Variants in ERBB4 observed in about 807,000 individuals in gnomAD.
The protein encoded by ERBB4 is erb-b2 receptor tyrosine kinase 4, also known as receptor tyrosine-protein kinase erbB-4.
In ERBB4, 42 loss-of-function variants were observed where a neutral mutation model predicts 158.0. The observed-to-expected ratio is 0.27, with a 90% CI of 0.21 to 0.34. The LOEUF (loss-of-function observed/expected upper bound fraction) is 0.34, where lower values mean the gene tolerates loss of function less well. Among genes scored for constraint, ERBB4 ranks in the 10% least tolerant of loss-of-function variants. The pLI is 1.00. For synonymous variants in ERBB4, 583 were observed against 558.7 expected (o/e 1.04, Z -0.61); for missense variants, 1,333 against 1,624.1 (o/e 0.82, Z 3.08).
rs2125302376 is a variant in ERBB4, at chr2:211,381,300, T to C, written c.*2315A>G. The C allele has an allele frequency of 4.3e-6, 1 of 232,358 alleles. No homozygotes were observed. Among genetic ancestry groups the C allele is most frequent in the Admixed American group, 5.6e-5 (1 of 17,748 alleles). The allele number at this position is 232,358 out of a possible 1,614,324, so 14.4% of individuals were successfully genotyped here. ...GCCAAGGACCACCATCTGCTTTTGG[T>C]TTAATGGTGAAGTTAGACTCTAGAT... On this transcript the variant is annotated 3_prime_UTR_variant, in exon 28 of 28. Transcript: ENST00000342788.
chr2:211,638,553 T>C (rs1337289795), intron 16 of ERBB4, among the ~76,000 whole-genome samples: 4 of 152,184 alleles, frequency 2.6e-5, no homozygotes, highest in African/African-American at 4.8e-5. Context: ...TCAAGATTCC[T>C]CTATTACATT....
chr2:212,446,578 CATATATATATATGTATATAT>C lies in ERBB4; in HGVS notation c.82+91851_82+91870del, dbSNP rs1434137030. Among the ~76,000 whole-genome samples the C allele has an allele frequency of 5.5e-3, 316 of 57,218 alleles. 28 individuals carry two copies. Among genetic ancestry groups the C allele is most frequent in the African/African-American group, 0.017 (286 of 16,356 alleles). The allele number at this position is 57,218 out of a possible 152,430, so 37.5% of individuals were successfully genotyped here. A position where few individuals can be genotyped will look rare whatever the true frequency, so the allele number is the denominator to read the frequency against. On this transcript the variant is annotated intron_variant, in intron 1 of 27. Coordinates refer to ENST00000342788, the MANE Select transcript of ERBB4 (RefSeq NM_005235.3). ...TGTAAGTTAATACTTAATAAACTCC[CATATATATATATGTATATAT>C]ATATATATATATATATATATATATA...
intron 20 of ERBB4, among the ~76,000 whole-genome samples, chr2:211,454,237 G>C (rs1412463685): frequency 1.3e-5 from 2 of 152,076 alleles, no homozygotes; most frequent in East Asian, 3.9e-4. Flanking sequence ...TAAATATGTG[G>C]AATATCTTCC....
At chr2:211,964,305 T>G (rs2125183277) in intron 2 of ERBB4, among the ~76,000 whole-genome samples, 1 of 152,304 alleles carries the variant, frequency 6.6e-6, no homozygotes, top group Admixed American at 6.5e-5. Flanking sequence ...CACTGGTATT[T>G]TATATGCATA....
At chr2:212,505,163 C>T (rs188399446) in intron 1 of ERBB4, among the ~76,000 whole-genome samples, 31 of 152,268 alleles carry the variant, frequency 2.0e-4, no homozygotes, top group Non-Finnish European at 3.7e-4. Flanking sequence ...GTGGCACAAT[C>T]GAAGCTCACT....
At chr2:212,176,422 T>C (rs1575751047) in intron 1 of ERBB4, among the ~76,000 whole-genome samples, 1 of 151,932 alleles carries the variant, frequency 6.6e-6, no homozygotes, top group East Asian at 1.9e-4. Context: ...CTCCACCCTG[T>C]AGACACGCAG....
chr2:211,745,173 CT>C (rs2074926795), intron 5 of ERBB4, among the ~76,000 whole-genome samples: 1 of 152,026 alleles, frequency 6.6e-6, no homozygotes, highest in African/African-American at 2.4e-5. Flanking sequence ...TAGAGAAAGC[CT>C]AAAATAACTG....
intron 1 of ERBB4, among the ~76,000 whole-genome samples, chr2:212,316,572 T>C (rs1052382319): frequency 6.6e-6 from 1 of 151,502 alleles, no homozygotes; most frequent in Non-Finnish European, 1.5e-5. Flanking sequence ...AGTGTAAAGG[T>C]CCAAATCATT....
At chr2:212,338,884 A>G (rs1419980956) in intron 1 of ERBB4, among the ~76,000 whole-genome samples, 1 of 152,152 alleles carries the variant, frequency 6.6e-6, no homozygotes, top group Admixed American at 6.6e-5. Context: ...CATGAAGGAA[A>G]ATAGACTCAT....
At chr2:211,487,958 AATCGCTATACATGACTACT>A (rs764544903) in intron 20 of ERBB4, among the ~76,000 whole-genome samples, 2 of 152,106 alleles carry the variant, frequency 1.3e-5, no homozygotes, top group Non-Finnish European at 2.9e-5. Flanking sequence ...AGCCTTCAGT[AATCGCTATACATGACTACT>A]CATGAACAGA....
chr2:212,071,020 A>T (rs2078099929), intron 2 of ERBB4, among the ~76,000 whole-genome samples: 1 of 151,960 alleles, frequency 6.6e-6, no homozygotes, highest in Admixed American at 6.6e-5. Context: ...ACAACAATTC[A>T]GTATCGTAAT....
chr2:211,914,443 C>T (rs2079631446), intron 3 of ERBB4, among the ~76,000 whole-genome samples: 1 of 151,938 alleles, frequency 6.6e-6, no homozygotes, highest in Non-Finnish European at 1.5e-5. Context: ...TCACATTGCT[C>T]ATTTTAAAAT....
intron 1 of ERBB4, among the ~76,000 whole-genome samples, chr2:212,538,080 C>T (rs1312691658): frequency 6.6e-6 from 1 of 152,150 alleles, no homozygotes; most frequent in Non-Finnish European, 1.5e-5. Flanking sequence ...CGGGTTCTGC[C>T]CTCGGGGACC....
chr2:212,432,643 C>T (rs768734015), intron 1 of ERBB4, among the ~76,000 whole-genome samples: 1 of 152,056 alleles, frequency 6.6e-6, no homozygotes, highest in African/African-American at 2.4e-5. Context: ...TAGCTCACTG[C>T]AAATTAGTTG....
intron 1 of ERBB4, among the ~76,000 whole-genome samples, chr2:212,342,315 T>A (rs1484741451): frequency 6.6e-6 from 1 of 152,120 alleles, no homozygotes; most frequent in East Asian, 1.9e-4. Context: ...TGGTGGGAGA[T>A]AACTGAATCA....
At chr2:211,552,558 A>G (rs554389677) in intron 20 of ERBB4, among the ~76,000 whole-genome samples, 653 of 152,268 alleles carry the variant, frequency 4.3e-3, no homozygotes, top group Middle Eastern at 0.01. Flanking sequence ...CACCAAAAAA[A>G]AATAAAGAAA....
intron 1 of ERBB4, among the ~76,000 whole-genome samples, chr2:212,338,123 T>C (rs1203075360): frequency 6.6e-6 from 1 of 152,134 alleles, no homozygotes; most frequent in Non-Finnish European, 1.5e-5. Context: ...TATCCACTTC[T>C]GAATTCTCCA....
chr2:212,217,164 T>C (rs1460430427), intron 1 of ERBB4, among the ~76,000 whole-genome samples: 3 of 151,334 alleles, frequency 2.0e-5, no homozygotes, highest in African/African-American at 7.3e-5. Context: ...GTTTTGACAG[T>C]GAAAAAGGCA....
At chr2:211,881,200 G>GA (rs1272818304) in intron 3 of ERBB4, among the ~76,000 whole-genome samples, 2 of 152,210 alleles carry the variant, frequency 1.3e-5, no homozygotes. Flanking sequence ...CCAAGAAGTA[G>GA]AAGTGGAAGT....
Sources: allele counts gnomAD v4.1 joint callset (sites outside exome capture counted in the v4.1 genomes callset), GRCh38; gene constraint gnomAD v4.1.1; transcripts MANE v1.5; gene names NCBI Gene and HGNC (gene_info 2026-07-23, HGNC 2026-07-21).